Variants in PHKB observed in about 807,000 individuals in gnomAD.
PHKB encodes phosphorylase kinase regulatory subunit beta, also known as phosphorylase b kinase regulatory subunit beta.
PHKB carries 122 observed loss-of-function variants against 152.1 expected under a neutral mutation model. The observed-to-expected ratio is 0.80, with a 90% CI of 0.69 to 0.93. PHKB has a LOEUF of 0.93. Ranked by LOEUF, PHKB falls within the 40% of genes least tolerant of loss-of-function variation. PHKB has a pLI of 0.00. For synonymous variants in PHKB, 436 were observed against 464.9 expected (o/e 0.94, Z 0.80); for missense variants, 1,304 against 1,328.4 (o/e 0.98, Z 0.29).
intron 8 of PHKB, among the ~76,000 whole-genome samples, chr16:47,585,090 C>G (rs748095213): frequency 3.9e-5 from 6 of 152,138 alleles, no homozygotes; most frequent in Non-Finnish European, 8.8e-5. Flanking sequence ...ATCTTCCAGT[C>G]CCAGTGCATT....
At chr16:47,695,429 A>T (rs1277183522) in intron 28 of PHKB, among the ~76,000 whole-genome samples, 1 of 152,206 alleles carries the variant, frequency 6.6e-6, no homozygotes. Flanking sequence ...CATTAATAAT[A>T]TGTTGGATTA....
chr16:47,475,407 A>G (rs1333921410), intron 1 of PHKB, among the ~76,000 whole-genome samples: 1 of 152,154 alleles, frequency 6.6e-6, no homozygotes, highest in Non-Finnish European at 1.5e-5. Context: ...CAGCCTTATT[A>G]TTTCCTCTGT....
intron 14 of PHKB, among the ~76,000 whole-genome samples, chr16:47,611,360 T>C (rs952996300): frequency 6.6e-6 from 1 of 152,174 alleles, no homozygotes; most frequent in Non-Finnish European, 1.5e-5. Flanking sequence ...TTTAAAATTT[T>C]TACATTTAGT....
chr16:47,518,604 T>C (rs551767710), intron 6 of PHKB, among the ~76,000 whole-genome samples: 1 of 152,338 alleles, frequency 6.6e-6, no homozygotes, highest in East Asian at 1.9e-4. Context: ...CCATGTTTCC[T>C]TGGTATCAGT....
intron 4 of PHKB, among the ~76,000 whole-genome samples, chr16:47,504,831 C>T (rs1360116459): frequency 3.9e-5 from 6 of 152,234 alleles, no homozygotes; most frequent in Admixed American, 6.5e-5. Context: ...GGTGGGATCC[C>T]GAGGCCTCTC....
intron 1 of PHKB, among the ~76,000 whole-genome samples, chr16:47,485,962 T>TA (rs924541913): frequency 2.4e-4 from 34 of 142,498 alleles, no homozygotes; most frequent in South Asian, 6.7e-4. Context: ...GACAAAAGAT[T>TA]AAAAAAAAAA....
chr16:47,620,037 T>A (rs1371865600), intron 14 of PHKB, among the ~76,000 whole-genome samples: 2 of 152,236 alleles, frequency 1.3e-5, no homozygotes, highest in Non-Finnish European at 2.9e-5. Context: ...TTTAAATGTT[T>A]TTGGAATATT....
At chr16:47,596,729 A>C (rs537276124) in intron 13 of PHKB, among the ~76,000 whole-genome samples, 198 bp downstream of exon 13, 10 of 152,166 alleles carry the variant, frequency 6.6e-5, no homozygotes, top group Non-Finnish European at 1.2e-4. Flanking sequence ...CTGGAAAGAA[A>C]GCGAAATAGG....
intron 14 of PHKB, among the ~76,000 whole-genome samples, chr16:47,630,699 A>C (rs1972812579): frequency 6.6e-6 from 1 of 152,196 alleles, no homozygotes; most frequent in Admixed American, 6.5e-5. Context: ...ATTTGGTCAA[A>C]CACTATTCTG....
chr16:47,670,993 C>G (rs985610401), intron 26 of PHKB, among the ~76,000 whole-genome samples: 1 of 152,094 alleles, frequency 6.6e-6, no homozygotes, highest in Non-Finnish European at 1.5e-5. Context: ...CTTACTTCAC[C>G]CATACCCCCA....
At chr16:47,653,124 C>T (rs1045117227) in intron 20 of PHKB, among the ~76,000 whole-genome samples, 1 of 151,974 alleles carries the variant, frequency 6.6e-6, no homozygotes. Context: ...GAATTCTTTT[C>T]TCTAAGGCTT....
At chr16:47,676,784 G>A (rs1186941418) in intron 26 of PHKB, among the ~76,000 whole-genome samples, 1 of 152,160 alleles carries the variant, frequency 6.6e-6, no homozygotes, top group East Asian at 1.9e-4. Context: ...ATTGATTTGT[G>A]CTTCAGCTTT....
intron 13 of PHKB, chr16:47,597,678 CTTTTTTTTTTTT>C (rs1010545365): frequency 1.9e-5 from 2 of 107,876 alleles, no homozygotes; most frequent in African/African-American, 6.7e-5. Flanking sequence ...TTTCTTTTTT[CTTTTTTTTTTTT>C]TTTTTTTAGT....
chr16:47,641,779 T>A (rs1159066473), intron 16 of PHKB, 87 bp downstream of exon 16: 1 of 781,332 alleles, frequency 1.3e-6, no homozygotes, highest in East Asian at 2.5e-5. Flanking sequence ...AGTCACACAG[T>A]TAAAATCTGA....
At chr16:47,649,469 G>T (rs1973196015) in intron 18 of PHKB, among the ~76,000 whole-genome samples, 1 of 152,074 alleles carries the variant, frequency 6.6e-6, no homozygotes, top group African/African-American at 2.4e-5. Context: ...AAAACAGGGG[G>T]ACCTATTTTG....
At chr16:47,612,474 C>CT (rs765371329) in intron 14 of PHKB, among the ~76,000 whole-genome samples, 3 of 152,176 alleles carry the variant, frequency 2.0e-5, no homozygotes, top group Admixed American at 2.0e-4. Context: ...ACTTGCAACT[C>CT]TTTCTCTCCT....
At chr16:47,535,731 G>A (rs747253992) in intron 6 of PHKB, among the ~76,000 whole-genome samples, 8 of 152,108 alleles carry the variant, frequency 5.3e-5, no homozygotes, top group Admixed American at 6.5e-5. Context: ...AATCTCAAAC[G>A]TTATTGTTGT....
chr16:47,696,515 G>A, intron 29 of PHKB, 27 bp downstream of exon 29: 1 of 1,197,134 alleles, frequency 8.4e-7, no homozygotes, highest in Non-Finnish European at 1.3e-6. Context: ...GAAGATTGCT[G>A]AATAAATGCC....
chr16:47,610,812 C>A lies in PHKB; in HGVS notation c.1364-14C>A. The A allele has an allele frequency of 6.6e-7, 1 of 1,511,800 alleles. No homozygotes were observed. The highest frequency in any genetic ancestry group is 9.2e-7 in the Non-Finnish European group (1 of 1,087,282). The allele number at this position is 1,511,800 out of a possible 1,614,324, so 93.6% of individuals were successfully genotyped here. ...ATGCATTTTCGATAATGTCATTCCCCTTCTTTTTTTCAGCTGATGAACTTA... is the reference window on the plus strand; with the variant it reads ...ATGCATTTTCGATAATGTCATTCCCATTCTTTTTTTCAGCTGATGAACTTA... On this transcript the variant is annotated splice_polypyrimidine_tract_variant and intron_variant, in intron 13 of 30. Transcript: ENST00000323584.
Sources: gnomAD v4.1 joint callset for allele counts (sites outside exome capture counted in the v4.1 genomes callset) on GRCh38, gnomAD v4.1.1 for gene constraint, MANE v1.5 for transcripts, NCBI Gene and HGNC (gene_info 2026-07-23, HGNC 2026-07-21) for gene names.